The following ALYREF variants were observed in gnomAD, a reference collection of about 807,000 sequenced individuals.
ALYREF encodes THO complex subunit 4.
In ALYREF, 1 loss-of-function variant was observed where a neutral mutation model predicts 25.2. The observed-to-expected ratio is 0.04, with a 90% CI of 0.01 to 0.19. ALYREF has a LOEUF of 0.19. Ranked by LOEUF, ALYREF falls within the 10% of genes least tolerant of loss-of-function variation. The pLI is 1.00. For missense variants in ALYREF, 328 were observed against 375.6 expected, an observed-to-expected ratio of 0.87 and a Z score of 1.05; for synonymous variants, 193 against 153.5, an observed-to-expected ratio of 1.26 and a Z score of -1.90.
chr17:81,887,974 GAA>G lies in ALYREF; in HGVS notation c.*155_*156del, dbSNP rs1247276078. ...TTTCAGAATTAAAAAAAAAAAAAAA[GAA>G]AAAAAAAAAACCTTTACATGAGTTT... On this transcript the variant is annotated 3_prime_UTR_variant, in exon 6 of 6. Transcript: ENST00000505490. The G allele has an allele frequency of 5.4e-5, 24 of 446,092 alleles. No homozygotes were observed. Among genetic ancestry groups the G allele is most frequent in the South Asian group, 1.9e-4 (3 of 15,708 alleles). 27.6% of individuals were successfully genotyped at this position (446,092 alleles called of 1,614,324 possible).
intron 2 of ALYREF, 59 bp downstream of exon 2, chr17:81,890,630 A>G: frequency 6.3e-7 from 1 of 1,589,150 alleles, no homozygotes; most frequent in Non-Finnish European, 8.5e-7. Context: ...CCACATCCCC[A>G]AAATCACGAT....
intron 3 of ALYREF, 51 bp downstream of exon 3, chr17:81,889,131 C>A (rs1221673378): frequency 1.2e-6 from 2 of 1,601,764 alleles, no homozygotes; most frequent in South Asian, 1.1e-5. Flanking sequence ...CAGGTGCCAG[C>A]CCCAAACTCC....
At position 81,888,992 on chromosome 17, in the gene ALYREF, G is replaced by A; in HGVS notation, c.538+190C>T. The A allele has an allele frequency of 7.0e-7, 1 of 1,429,384 alleles. No individual in the cohort carries two copies. Among genetic ancestry groups the A allele is most frequent in the Non-Finnish European group, 9.1e-7 (1 of 1,093,226 alleles). 88.5% of individuals were successfully genotyped at this position (1,429,384 alleles called of 1,614,324 possible). On this transcript the variant is annotated intron_variant, in intron 3 of 5. Coordinates refer to ENST00000505490, the MANE Select transcript of ALYREF (RefSeq NM_005782.4). The surrounding 1 kb of genome is among the most constrained non-coding windows in gnomAD (Gnocchi z 5.8). Reference sequence around the variant, plus strand: ...AAGGAGGGGAGGGATGTAGCTTGCTGGATGGGGGTTCACAAGAGGTTGGTC... The same window carrying A: ...AAGGAGGGGAGGGATGTAGCTTGCTAGATGGGGGTTCACAAGAGGTTGGTC...
At position 81,889,433 on chromosome 17, in the gene ALYREF, T is replaced by C. The variant is rs1252150955; in HGVS notation, c.391-104A>G. ...GCGTGAGTTGCTTTGGGGGTGGTTC[T>C]CTGGGAGGCAGGACAGTGGTTAACG... On this transcript the variant is annotated intron_variant, in intron 2 of 5. Transcript: ENST00000505490. 2.2e-6 allele frequency: 3 copies of C among 1,351,536 alleles called. No individual in the cohort carries two copies. The East Asian group carries it at 7.0e-5, about 31-fold the overall frequency. 83.7% of individuals were successfully genotyped at this position (1,351,536 alleles called of 1,614,324 possible).
chr17:81,890,242 G>T (rs544029432), intron 2 of ALYREF, among the ~76,000 whole-genome samples: 102 of 152,196 alleles, frequency 6.7e-4, no homozygotes, highest in African/African-American at 2.3e-3. Flanking sequence ...AGCGTACAAG[G>T]TCTTTATAAG....
Position 81,888,110 on chromosome 17 carries a change from C to CACG in ALYREF, c.*18_*20dup, listed in dbSNP as rs754571266. The CACG allele has an allele frequency of 4.3e-6, 7 of 1,613,880 alleles. No homozygotes were observed. The Admixed American group carries it at 1.2e-4, about 27-fold the overall frequency. ...GAGGAGACGCCTGGGTCCTGTTCCG[C>CACG]ACGCGGATTTGCTGGTCTGTTTAAC... On this transcript the variant is annotated 3_prime_UTR_variant, in exon 6 of 6. Transcript: ENST00000505490. The surrounding 1 kb of genome is among the most constrained non-coding windows in gnomAD (Gnocchi z 5.8).
Position 81,888,066 on chromosome 17 carries a change from C to T in ALYREF, c.*65G>A. The T allele has an allele frequency of 2.5e-6, 4 of 1,600,768 alleles. No individual in the cohort carries two copies. Among genetic ancestry groups the T allele is most frequent in the Middle Eastern group, 2.0e-4 (1 of 5,124 alleles). On this transcript the variant is annotated 3_prime_UTR_variant, in exon 6 of 6. Transcript: ENST00000505490. This position sits in a 1 kb window ranked among gnomAD's most constrained non-coding sequence, Gnocchi z 5.8. Reference sequence around the variant, plus strand: ...ATTGGCCGCACAGCCCCAGCCACCGCCCCCCAACCAGGGAGCAAGAGGAGA... The same window carrying T: ...ATTGGCCGCACAGCCCCAGCCACCGTCCCCCAACCAGGGAGCAAGAGGAGA...
At chr17:81,891,172 C>A in intron 1 of ALYREF, 151 bp downstream of exon 1, 1 of 387,872 alleles carries the variant, frequency 2.6e-6, no homozygotes, top group Non-Finnish European at 4.2e-6. Flanking sequence ...CCCACCACCC[C>A]CTCCGCGCCC....
chr17:81,891,333 G>C lies in ALYREF; in HGVS notation c.248C>G (p.Pro83Arg). The part of the protein sequence containing the change: ...AGGGGRNRPA[P>R]YSRPKQLPDK... ...GGCCTCCGCACTCACCCTGCTGTAG[G>C]GCGCCGGTCGGTTCCTGCCGCCTCC... The change falls in exon 1 of 6, where the codon CCC becomes CGC. Residue 83 changes from proline (P) to arginine (R), a missense_variant. Transcript: ENST00000505490. The C allele has an allele frequency of 8.6e-7, 1 of 1,162,588 alleles. No homozygotes were observed. The highest frequency in any genetic ancestry group is 1.1e-6 in the Non-Finnish European group (1 of 943,384). 72.0% of individuals were successfully genotyped at this position (1,162,588 alleles called of 1,614,324 possible).
chr17:81,888,001 T>TTTAAATC lies in ALYREF; in HGVS notation c.*123_*129dup. ...AAAAAAAAAAACCTTTACATGAGTTTTTAAATCCTATTTTAAAACATAAAA... is the reference window on the plus strand; with the variant it reads ...AAAAAAAAAAACCTTTACATGAGTTTTTAAATCTTAAATCCTATTTTAAAACATAAAA... On this transcript the variant is annotated 3_prime_UTR_variant, in exon 6 of 6. Transcript: ENST00000505490. This position sits in a 1 kb window ranked among gnomAD's most constrained non-coding sequence, Gnocchi z 5.8. 8.4e-7 allele frequency: 1 copy of TTTAAATC among 1,195,294 alleles called. No homozygotes were observed. The highest frequency in any genetic ancestry group is 1.1e-6 in the Non-Finnish European group (1 of 875,034). The allele number at this position is 1,195,294 out of a possible 1,614,324, so 74.0% of individuals were successfully genotyped here. A position where few individuals can be genotyped will look rare whatever the true frequency, so the allele number is the denominator to read the frequency against.
Position 81,888,399 on chromosome 17 carries a change from T to G in ALYREF, c.622A>C (p.Thr208Pro). The change falls in exon 5 of 6, where the codon ACT becomes CCT. Residue 208 changes from threonine (T) to proline (P), a missense_variant. Thr to Pro is a conservative substitution (Grantham distance 38). Coordinates refer to ENST00000505490, the MANE Select transcript of ALYREF (RefSeq NM_005782.4). The surrounding 1 kb of genome is among the most constrained non-coding windows in gnomAD (Gnocchi z 5.8). ...AAACCTCCAGCGCCACGGTTTCTAG[T>G]CATGCCACCTCTGTTTACGCTAGCA... ...PAQSVNRGGM[T>P]RNRGAGGFGG... The G allele has an allele frequency of 6.3e-7, 1 of 1,599,616 alleles. No homozygotes were observed. Among genetic ancestry groups the G allele is most frequent in the African/African-American group, 1.3e-5 (1 of 74,738 alleles).
Position 81,888,778 on chromosome 17 carries a change from C to G in ALYREF, c.539-195G>C. ...GGAAGCAACCCCACCAACACCTCCT[C>G]ACTCCTTCTCAGTCCAGACTAGGTG... is the stretch of plus-strand genomic sequence containing the variant. On this transcript the variant is annotated intron_variant, in intron 3 of 5. Transcript: ENST00000505490. This position sits in a 1 kb window ranked among gnomAD's most constrained non-coding sequence, Gnocchi z 5.8. 1.4e-6 allele frequency: 2 copies of G among 1,444,910 alleles called. No individual in the cohort carries two copies. Among genetic ancestry groups the G allele is most frequent in the East Asian group, 5.0e-5 (2 of 39,914 alleles). 89.5% of individuals were successfully genotyped at this position (1,444,910 alleles called of 1,614,324 possible). A position where few individuals can be genotyped will look rare whatever the true frequency, so the allele number is the denominator to read the frequency against.
chr17:81,889,061 G>C, intron 3 of ALYREF, 121 bp downstream of exon 3: 2 of 1,480,996 alleles, frequency 1.4e-6, no homozygotes, highest in Non-Finnish European at 1.8e-6. Flanking sequence ...GGAAGAGAGA[G>C]ACAAAGGGGC....
At chr17:81,889,095 A>G in intron 3 of ALYREF, 87 bp downstream of exon 3, 1 of 1,557,994 alleles carries the variant, frequency 6.4e-7, no homozygotes, top group Non-Finnish European at 8.7e-7. Context: ...CCTCAGCCAC[A>G]GGGGTACCCC....
In ALYREF at chr17:81,888,111, A is replaced by G; in HGVS notation, c.*20T>C. 1 of 1,613,978 alleles carries G rather than the reference A, an allele frequency of 6.2e-7. No individual in the cohort carries two copies. The highest frequency in any genetic ancestry group is 1.1e-5 in the South Asian group (1 of 91,068). On this transcript the variant is annotated 3_prime_UTR_variant, in exon 6 of 6. Coordinates refer to ENST00000505490, the MANE Select transcript of ALYREF (RefSeq NM_005782.4). This position sits in a 1 kb window ranked among gnomAD's most constrained non-coding sequence, Gnocchi z 5.8. Reference sequence around the variant, plus strand: ...AGGAGACGCCTGGGTCCTGTTCCGCACGCGGATTTGCTGGTCTGTTTAACT... The same window carrying G: ...AGGAGACGCCTGGGTCCTGTTCCGCGCGCGGATTTGCTGGTCTGTTTAACT...
intron 2 of ALYREF, among the ~76,000 whole-genome samples, chr17:81,890,478 G>C (rs909030301): frequency 6.6e-6 from 1 of 152,176 alleles, no homozygotes; most frequent in Non-Finnish European, 1.5e-5. Context: ...CCCATCTTCA[G>C]ACTAACAGCA....
At position 81,890,922 on chromosome 17, in the gene ALYREF, G is replaced by A. The variant is rs112480169; in HGVS notation, c.259-102C>T. 44 of 1,537,038 alleles carry A rather than the reference G, an allele frequency of 2.9e-5. 1 individual carries two copies. The highest frequency in any genetic ancestry group is 2.6e-4 in the African/African-American group (19 of 72,624). ...ACCCTTCCTCTTCCCGGCCTGAGAG[G>A]ATCCGGCCGAAACGGGGCCGCCAGC... On this transcript the variant is annotated intron_variant, in intron 1 of 5. Coordinates refer to ENST00000505490, the MANE Select transcript of ALYREF (RefSeq NM_005782.4).
Position 81,887,997 on chromosome 17 carries a change from A to T in ALYREF, c.*134T>A. The T allele has an allele frequency of 3.1e-6, 3 of 968,316 alleles. No homozygotes were observed. Among genetic ancestry groups the T allele is most frequent in the Admixed American group, 3.0e-5 (1 of 33,348 alleles). The allele number at this position is 968,316 out of a possible 1,614,324, so 60.0% of individuals were successfully genotyped here. ...AAGAAAAAAAAAAAACCTTTACATG[A>T]GTTTTTAAATCCTATTTTAAAACAT... is the stretch of plus-strand genomic sequence containing the variant. On this transcript the variant is annotated 3_prime_UTR_variant, in exon 6 of 6. Transcript: ENST00000505490.
rs1013100225 is a variant in ALYREF at position 81,888,823 on chromosome 17, G to A, written c.539-240C>T. 16 of 1,421,774 alleles carry A rather than the reference G, an allele frequency of 1.1e-5. No individual in the cohort carries two copies. The highest frequency in any genetic ancestry group is 5.2e-4 in the Middle Eastern group (2 of 3,862). The allele number at this position is 1,421,774 out of a possible 1,614,324, so 88.1% of individuals were successfully genotyped here. A position where few individuals can be genotyped will look rare whatever the true frequency, so the allele number is the denominator to read the frequency against. On this transcript the variant is annotated intron_variant, in intron 3 of 5. Transcript: ENST00000505490. This position sits in a 1 kb window ranked among gnomAD's most constrained non-coding sequence, Gnocchi z 5.8. The stretch of plus-strand genomic sequence containing the variant: ...TAGGTGGGCTGCTCGCTGAGGTATC[G>A]GGGTGCTCGTGGGTGGAGAGGTGTG...
Sources: gnomAD v4.1 joint callset for allele counts (sites outside exome capture counted in the v4.1 genomes callset) on GRCh38, gnomAD v4.1.1 for gene constraint, Gnocchi (gnomAD v3.1) non-coding constraint, MANE v1.5 for transcripts, NCBI Gene and HGNC (gene_info 2026-07-23, HGNC 2026-07-21) for gene names.